ZFHX3: variants seen among roughly 807,000 people sequenced by gnomAD.
ZFHX3 encodes the protein zinc finger homeobox protein 3.
A neutral mutation model predicts 279.1 loss-of-function variants in ZFHX3; 42 were observed. The ratio of observed to expected loss-of-function variants is 0.15; its 90% CI spans 0.12 to 0.19. The LOEUF (loss-of-function observed/expected upper bound fraction) is 0.19. Among genes scored for constraint, ZFHX3 ranks in the 10% least tolerant of loss-of-function variants. The pLI, the probability that ZFHX3 is intolerant of heterozygous loss-of-function variation, is 1.00. For missense variants in ZFHX3, 4,981 were observed against 4,754.0 expected (o/e 1.05, Z -1.40); for synonymous variants, 2,293 against 1,957.8 (o/e 1.17, Z -4.52).
At chr16:73,074,616 G>C in intron 8 of ZFHX3, among the ~76,000 whole-genome samples, 1 of 148,950 alleles carries the variant, frequency 6.7e-6, no homozygotes. Context: ...TGACGACAAT[G>C]ATGACGACAC....
chr16:73,776,801 C>A (rs2142298326), intron 1 of ZFHX3, among the ~76,000 whole-genome samples: 1 of 152,310 alleles, frequency 6.6e-6, no homozygotes, highest in East Asian at 1.9e-4. Context: ...CTGCCACTTT[C>A]CTAGGCCTTA....
chr16:73,353,036 G>A (rs947669218), intron 3 of ZFHX3, among the ~76,000 whole-genome samples: 3 of 152,110 alleles, frequency 2.0e-5, no homozygotes, highest in Admixed American at 1.3e-4. Flanking sequence ...TGCCTGCCCC[G>A]CCCTAGTTCC....
At chr16:73,315,219 GAAAAAAA>G (rs67349927) in intron 4 of ZFHX3, among the ~76,000 whole-genome samples, 27 of 121,794 alleles carry the variant, frequency 2.2e-4, no homozygotes, top group African/African-American at 2.7e-4. Flanking sequence ...ATCTCAAAAA[GAAAAAAA>G]AAAAAAAGAA....
At position 73,312,003 on chromosome 16, in the gene ZFHX3, A is replaced by G. The variant is rs182401208; in HGVS notation, c.-1194+6237T>C. 2.2e-3 allele frequency among the ~76,000 whole-genome samples: 339 copies of G among 152,304 alleles called. 1 individual carries two copies. Among genetic ancestry groups the G allele is most frequent in the African/African-American group, 7.8e-3 (324 of 41,578 alleles). ...ACAAAATTTTGCACCAGGATGACGC[A>G]TGCAGCAGTCCTCTGTGGGGCACTT... On this transcript the variant is annotated intron_variant, in intron 4 of 17. Transcript: ENST00000641206.
In ZFHX3 at chr16:73,394,288, G is replaced by GAT. The variant is rs564058886; in HGVS notation, c.-1291+61713_-1291+61714dup. Among the ~76,000 whole-genome samples, 14 of 142,506 alleles carry GAT rather than the reference G, an allele frequency of 9.8e-5. No homozygotes were observed. The South Asian group carries it at 1.1e-3, about 11-fold the overall frequency. The allele number at this position is 142,506 out of a possible 152,430, so 93.5% of individuals were successfully genotyped here. A position where few individuals can be genotyped will look rare whatever the true frequency, so the allele number is the denominator to read the frequency against. ...TCTGTCTCATATCTGATACATATTTGATATATATATACATATTTTTCTTTT... is the reference window on the plus strand; with the variant it reads ...TCTGTCTCATATCTGATACATATTTGATATATATATATACATATTTTTCTTTT... On this transcript the variant is annotated intron_variant, in intron 3 of 17. Coordinates refer to the ZFHX3 transcript ENST00000641206.
chr16:72,921,739 C>T (rs1413107457), intron 3 of ZFHX3, among the ~76,000 whole-genome samples: 3 of 152,304 alleles, frequency 2.0e-5, no homozygotes, highest in South Asian at 2.1e-4. Flanking sequence ...GTGCCTGGCT[C>T]GGCGCCCAGC....
rs915765519 is a variant in ZFHX3, at chr16:73,676,132, C to A, written c.-1547+4048G>T. On this transcript the variant is annotated intron_variant, in intron 2 of 17. Coordinates refer to the ZFHX3 transcript ENST00000641206. ...AGAATCATATCGAGAACAGTGAAAC[C>A]AATTAAACATAACAATAACTAATTA... Among the ~76,000 whole-genome samples the A allele has an allele frequency of 3.3e-5, 5 of 151,728 alleles. No homozygotes were observed. In the East Asian group the frequency reaches 9.6e-4, roughly 29 times the overall value.
rs1033337522 is a variant in ZFHX3, at chr16:72,797,752, T to C, written c.4930A>G (p.Ser1644Gly). The C allele has an allele frequency of 6.2e-7, 1 of 1,614,184 alleles. No individual in the cohort carries two copies. Residue 1644 changes from serine (S) to glycine (G), a missense_variant, in exon 9 of 10, where the codon AGT becomes GGT. Ser to Gly is a moderately conservative substitution (Grantham distance 56). Coordinates refer to ENST00000268489, the MANE Select transcript of ZFHX3 (RefSeq NM_006885.4). The stretch of plus-strand genomic sequence containing the variant: ...GGCGTGGAGGAGCTCAAGGAAATAC[T>C]GCTGCTGTTCCCAGTCCCATTGCTG... Reference protein sequence around the residue: ...GSSNGTGNSSSISLSSSTPSP... With the variant: ...GSSNGTGNSSGISLSSSTPSP...
chr16:72,958,278 G>C lies in ZFHX3; in HGVS notation c.1868C>G (p.Ala623Gly). 2 of 1,614,026 alleles carry C rather than the reference G, an allele frequency of 1.2e-6. No individual in the cohort carries two copies. The highest frequency in any genetic ancestry group is 1.1e-5 in the South Asian group (1 of 91,080). ...DGGFVPHHQH[A>G]GSLCELGVGE... ...AACCCCAAGCTCGCAGAGGGAGCCA[G>C]CGTGCTGGTGATGGGGAACGAAGCC... The change falls in exon 2 of 10, where the codon GCT becomes GGT. Residue 623 changes from alanine to glycine, a missense_variant. Coordinates refer to ENST00000268489, the MANE Select transcript of ZFHX3 (RefSeq NM_006885.4).
intron 2 of ZFHX3, among the ~76,000 whole-genome samples, chr16:73,655,951 C>T (rs1290901483): frequency 1.3e-5 from 2 of 151,978 alleles, no homozygotes; most frequent in Non-Finnish European, 2.9e-5. Flanking sequence ...TTGCAAAATC[C>T]CTAACTGAAA....
At chr16:73,347,061 G>GA (rs2016137687) in intron 3 of ZFHX3, among the ~76,000 whole-genome samples, 1 of 152,190 alleles carries the variant, frequency 6.6e-6, no homozygotes, top group African/African-American at 2.4e-5. Flanking sequence ...CTAGGTGCCT[G>GA]AACCCAGATT....
chr16:73,348,906 G>GT (rs1440820423), intron 3 of ZFHX3, among the ~76,000 whole-genome samples: 1 of 152,184 alleles, frequency 6.6e-6, no homozygotes, highest in African/African-American at 2.4e-5. Context: ...TGGCATTTCA[G>GT]TACCTTGGTT....
At chr16:72,864,936 G>A (rs978074816) in intron 4 of ZFHX3, among the ~76,000 whole-genome samples, 8 of 152,236 alleles carry the variant, frequency 5.3e-5, no homozygotes, top group African/African-American at 1.9e-4. Flanking sequence ...CCTGGAGGAT[G>A]CAAATAAAGA....
Position 72,787,907 on chromosome 16 carries a change from T to C in ZFHX3, c.10369A>G (p.Ile3457Val), listed in dbSNP as rs900692564. 5 of 1,613,950 alleles carry C rather than the reference T, an allele frequency of 3.1e-6. No homozygotes were observed. The highest frequency in any genetic ancestry group is 1.3e-5 in the African/African-American group (1 of 74,996). Residue 3457 changes from isoleucine to valine, a missense_variant, in exon 10 of 10, where the codon ATT (isoleucine) becomes GTT (valine). Ile to Val is a conservative substitution (Grantham distance 29, BLOSUM62 3). Coordinates refer to ENST00000268489, the MANE Select transcript of ZFHX3 (RefSeq NM_006885.4). ...KSADSLYDPFIVPKVQYKLVC... is the reference protein window; with the variant it reads ...KSADSLYDPFVVPKVQYKLVC... The stretch of plus-strand genomic sequence containing the variant: ...AACTTGTACTGCACCTTTGGAACAA[T>C]GAAGGGGTCGTAGAGGGAGTCCGCA...
chr16:73,457,681 A>G (rs2018397245), intron 2 of ZFHX3, among the ~76,000 whole-genome samples: 1 of 152,246 alleles, frequency 6.6e-6, no homozygotes, highest in African/African-American at 2.4e-5. Context: ...AGGCTGAGGC[A>G]TGAGAATCGC....
At chr16:73,822,594 C>T (rs1022242508) in intron 1 of ZFHX3, among the ~76,000 whole-genome samples, 2 of 151,988 alleles carry the variant, frequency 1.3e-5, no homozygotes, top group Admixed American at 1.3e-4. Flanking sequence ...GAGTTCTGCT[C>T]GGCATAGATA....
At chr16:73,556,831 C>T (rs368630566) in intron 2 of ZFHX3, among the ~76,000 whole-genome samples, 14 of 151,940 alleles carry the variant, frequency 9.2e-5, no homozygotes, top group African/African-American at 3.4e-4. Context: ...CGCGGTGGCT[C>T]ATGCCTGTAA....
intron 1 of ZFHX3, among the ~76,000 whole-genome samples, chr16:73,801,762 A>AT (rs1168260004): frequency 6.6e-6 from 1 of 152,150 alleles, no homozygotes. Context: ...CCCTGTTTTT[A>AT]TATGCGAGTG....
At chr16:73,817,951 G>A (rs952527576) in intron 1 of ZFHX3, among the ~76,000 whole-genome samples, 3 of 152,118 alleles carry the variant, frequency 2.0e-5, no homozygotes. Flanking sequence ...CTAATGCCAC[G>A]GGAAGGCCAA....
Sources: gnomAD v4.1 joint callset for allele counts (sites outside exome capture counted in the v4.1 genomes callset) on GRCh38, gnomAD v4.1.1 for gene constraint, MANE v1.5 for transcripts, NCBI Gene and HGNC (gene_info 2026-07-23, HGNC 2026-07-21) for gene names.